Variants in PSPC1 observed in about 807,000 individuals in gnomAD.
PSPC1 encodes paraspeckle protein 1.
Under a neutral mutation model 51.6 loss-of-function variants are expected in PSPC1, and 14 were observed. That is an observed-to-expected ratio of 0.27 (90% CI 0.18 to 0.42). The LOEUF is 0.42. Among genes scored for constraint, PSPC1 ranks in the 10% least tolerant of loss-of-function variants. PSPC1 has a pLI of 1.00. For synonymous variants in PSPC1, 193 were observed against 231.9 expected, an observed-to-expected ratio of 0.83 and a Z score of 1.53; for missense variants, 406 against 701.1, an observed-to-expected ratio of 0.58 and a Z score of 4.75.
chr13:19,759,058 G>A (rs1013792733), intron 3 of PSPC1, among the ~76,000 whole-genome samples: 1 of 151,938 alleles, frequency 6.6e-6, no homozygotes. Context: ...TCTGAGGCAC[G>A]AGAATCACTT....
chr13:19,675,353 C>T (rs1350955875), intron 7 of PSPC1: 3 of 152,180 alleles, frequency 2.0e-5, no homozygotes, highest in African/African-American at 7.2e-5. Flanking sequence ...CATACTACTT[C>T]CCAACACGAA....
At chr13:19,728,552 G>C (rs1427575138) in intron 6 of PSPC1, among the ~76,000 whole-genome samples, 2 of 151,738 alleles carry the variant, frequency 1.3e-5, no homozygotes, top group African/African-American at 4.9e-5. Flanking sequence ...ACAACTGCCA[G>C]AATGGCCTCA....
chr13:19,671,674 T>C (rs928529559), downstream of PSPC1, among the ~76,000 whole-genome samples: 1 of 152,228 alleles, frequency 6.6e-6, no homozygotes, highest in Non-Finnish European at 1.5e-5. Flanking sequence ...TGGAATTATT[T>C]CTTGAATTAA....
At chr13:19,689,154 A>C (rs1429668820) in intron 6 of PSPC1, among the ~76,000 whole-genome samples, 1 of 152,216 alleles carries the variant, frequency 6.6e-6, no homozygotes, top group South Asian at 2.1e-4. Context: ...TCCAACCCAG[A>C]GAAGCACTGA....
chr13:19,707,237 T>C (rs1023572794), intron 7 of PSPC1, among the ~76,000 whole-genome samples: 1 of 152,166 alleles, frequency 6.6e-6, no homozygotes, highest in African/African-American at 2.4e-5. Flanking sequence ...AATATAACTA[T>C]ACAACTATGG....
intron 1 of PSPC1, among the ~76,000 whole-genome samples, chr13:19,775,277 G>A (rs1229521984): frequency 1.3e-5 from 2 of 152,110 alleles, no homozygotes; most frequent in African/African-American, 2.4e-5. Flanking sequence ...GCTTGAACCC[G>A]TGAGGCAGAG....
chr13:19,682,348 C>T (rs17068117), intron 6 of PSPC1, among the ~76,000 whole-genome samples: 1,582 of 152,148 alleles, frequency 0.01, 25 homozygotes, highest in African/African-American at 0.036. Context: ...CTCATTTTTA[C>T]ATTCACAGAT....
In PSPC1 at chr13:19,702,620, G is replaced by A. The variant is rs917167178; in HGVS notation, c.*555C>T. 7.9e-5 allele frequency: 12 copies of A among 152,012 alleles called. No homozygotes were observed. Among genetic ancestry groups the A allele is most frequent in the East Asian group, 1.9e-4 (1 of 5,186 alleles). 9.4% of individuals were successfully genotyped at this position (152,012 alleles called of 1,614,324 possible). ...TATATGAAATGTAGCTGGAAATTCC[G>A]ATTTCACAGAACATCAGTGGTTTAT... On this transcript the variant is annotated 3_prime_UTR_variant, in exon 9 of 9. Coordinates refer to ENST00000338910, the MANE Select transcript of PSPC1 (RefSeq NM_001354909.2).
intron 3 of PSPC1, among the ~76,000 whole-genome samples, chr13:19,756,625 G>C (rs890349594): frequency 6.6e-6 from 1 of 151,890 alleles, no homozygotes; most frequent in Non-Finnish European, 1.5e-5. Flanking sequence ...TCAGCCTCCT[G>C]AGTAGCTAGA....
At chr13:19,778,581 CG>C (rs1428565173) in intron 1 of PSPC1, among the ~76,000 whole-genome samples, 4 of 110,586 alleles carry the variant, frequency 3.6e-5, no homozygotes, top group Admixed American at 9.4e-5. Context: ...CTGTGTTGGC[CG>C]GGCCGGTCTC....
intron 4 of PSPC1, among the ~76,000 whole-genome samples, chr13:19,742,003 G>A (rs557769978): frequency 3.0e-4 from 45 of 151,974 alleles, no homozygotes; most frequent in African/African-American, 9.2e-4. Context: ...ATGGTGGCGC[G>A]CGCCTGTAGT....
intron 7 of PSPC1, among the ~76,000 whole-genome samples, chr13:19,706,104 A>G (rs945222034): frequency 7.2e-5 from 11 of 152,306 alleles, no homozygotes; most frequent in South Asian, 4.1e-4. Context: ...GCTTTGAGAC[A>G]TCACTATTAT....
At chr13:19,723,385 CA>C (rs1883005773) in intron 6 of PSPC1, among the ~76,000 whole-genome samples, 1 of 152,148 alleles carries the variant, frequency 6.6e-6, no homozygotes, top group Non-Finnish European at 1.5e-5. Context: ...AAAAGATTTA[CA>C]AATATGAATG....
intron 5 of PSPC1, among the ~76,000 whole-genome samples, chr13:19,730,727 G>A (rs1158897223): frequency 1.3e-5 from 2 of 151,948 alleles, no homozygotes; most frequent in Admixed American, 6.6e-5. Context: ...GGAGGTTGAG[G>A]CGAGTACATC....
intron 1 of PSPC1, among the ~76,000 whole-genome samples, chr13:19,777,323 C>T (rs1418108906): frequency 1.4e-5 from 2 of 146,968 alleles, no homozygotes; most frequent in African/African-American, 2.5e-5. Flanking sequence ...CCAGCTACTC[C>T]AGAGGCTGAG....
chr13:19,735,943 T>TC lies in PSPC1; in HGVS notation c.1053-5600dup, dbSNP rs1433118828. 6.6e-5 allele frequency among the ~76,000 whole-genome samples: 10 copies of TC among 152,022 alleles called. 1 individual carries two copies. The East Asian group carries it at 1.5e-3, about 24-fold the overall frequency. On this transcript the variant is annotated intron_variant, in intron 5 of 8. Coordinates refer to ENST00000338910, the MANE Select transcript of PSPC1 (RefSeq NM_001354909.2). ...TTCAAGCCATTCTCCTGCCTCAGAC[T>TC]CTGAGTAGCTGGGACTACAGGCGCC...
chr13:19,732,619 T>A (rs1884255294), intron 5 of PSPC1, among the ~76,000 whole-genome samples: 1 of 152,136 alleles, frequency 6.6e-6, no homozygotes, highest in South Asian at 2.1e-4. Context: ...GATTGCCACC[T>A]GAATGAGGAT....
intron 6 of PSPC1, among the ~76,000 whole-genome samples, chr13:19,717,442 A>C (rs939758110): frequency 6.6e-6 from 1 of 151,798 alleles, no homozygotes; most frequent in African/African-American, 2.4e-5. Flanking sequence ...ACGGTGGCTC[A>C]AGCCTGTAAT....
At chr13:19,706,065 T>A (rs1254512740) in intron 7 of PSPC1, among the ~76,000 whole-genome samples, 1 of 152,202 alleles carries the variant, frequency 6.6e-6, no homozygotes, top group East Asian at 1.9e-4. Context: ...ATCAATCATT[T>A]TAGGGCATTT....
Sources: allele counts gnomAD v4.1 joint callset (sites outside exome capture counted in the v4.1 genomes callset), GRCh38; gene constraint gnomAD v4.1.1; transcripts MANE v1.5; gene names NCBI Gene and HGNC (gene_info 2026-07-23, HGNC 2026-07-21).